SEMA3A: variants seen among roughly 807,000 people sequenced by gnomAD.
SEMA3A encodes the protein semaphorin 3A, also known as semaphorin-3A.
SEMA3A carries 29 observed loss-of-function variants against 97.9 expected under a neutral mutation model. That is an observed-to-expected ratio of 0.30 (90% CI 0.22 to 0.40). The LOEUF (loss-of-function observed/expected upper bound fraction) is 0.40, where lower values mean the gene tolerates loss of function less well. Among genes scored for constraint, SEMA3A ranks in the 10% least tolerant of loss-of-function variants. The pLI is 1.00. For missense variants in SEMA3A, 763 were observed against 951.3 expected, an observed-to-expected ratio of 0.80 and a Z score of 2.60; for synonymous variants, 321 against 323.7, an observed-to-expected ratio of 0.99 and a Z score of 0.09.
At chr7:84,008,592 G>T (rs767408852) in intron 9 of SEMA3A, among the ~76,000 whole-genome samples, 1 of 151,646 alleles carries the variant, frequency 6.6e-6, no homozygotes, top group Non-Finnish European at 1.5e-5. Flanking sequence ...AAACAGTTCT[G>T]CACATTTAAA....
intron 9 of SEMA3A, among the ~76,000 whole-genome samples, 178 bp from the exon 10 acceptor site, chr7:84,007,675 C>CA (rs1463484660): frequency 1.3e-5 from 2 of 151,874 alleles, no homozygotes; most frequent in Non-Finnish European, 2.9e-5. Context: ...CACAAAAGAA[C>CA]AAAAAATTGT....
intron 1 of SEMA3A, among the ~76,000 whole-genome samples, chr7:84,421,847 T>C (rs1170076332): frequency 6.6e-6 from 1 of 152,064 alleles, no homozygotes; most frequent in Non-Finnish European, 1.5e-5. Context: ...TGAACCAGCC[T>C]TGCATCCCAG....
intron 2 of SEMA3A, among the ~76,000 whole-genome samples, chr7:84,333,381 T>G (rs2115956956): frequency 6.6e-6 from 1 of 152,254 alleles, no homozygotes; most frequent in East Asian, 1.9e-4. Flanking sequence ...GAAGATTTTC[T>G]ACAACACTGA....
At chr7:83,993,168 T>C (rs1484877149) in intron 12 of SEMA3A, among the ~76,000 whole-genome samples, 1 of 136,348 alleles carries the variant, frequency 7.3e-6, no homozygotes, top group African/African-American at 2.8e-5. Flanking sequence ...TCCATTTGCT[T>C]GGTAGATCTT....
At chr7:84,211,396 A>G (rs1214311703) in intron 3 of SEMA3A, among the ~76,000 whole-genome samples, 1 of 151,714 alleles carries the variant, frequency 6.6e-6, no homozygotes, top group East Asian at 1.9e-4. Context: ...GGATCATCTG[A>G]GGTCAGGAGT....
intron 1 of SEMA3A, among the ~76,000 whole-genome samples, chr7:84,177,781 T>C (rs1797615406): frequency 6.6e-6 from 1 of 152,120 alleles, no homozygotes; most frequent in Non-Finnish European, 1.5e-5. Context: ...ACAACATCTT[T>C]TGTTTTCTCT....
intron 1 of SEMA3A, among the ~76,000 whole-genome samples, chr7:84,420,381 C>T (rs930102711): frequency 6.6e-6 from 1 of 151,760 alleles, no homozygotes; most frequent in East Asian, 1.9e-4. Context: ...AACAATTAGA[C>T]ATTATGGAAC....
At chr7:84,405,665 T>C (rs1804060946) in intron 1 of SEMA3A, among the ~76,000 whole-genome samples, 1 of 152,062 alleles carries the variant, frequency 6.6e-6, no homozygotes, top group Admixed American at 6.5e-5. Flanking sequence ...CCTCAGCAAA[T>C]GTAAAAGAAC....
chr7:84,134,459 C>A (rs1464806407), intron 2 of SEMA3A, among the ~76,000 whole-genome samples: 1 of 152,044 alleles, frequency 6.6e-6, no homozygotes, highest in Non-Finnish European at 1.5e-5. Flanking sequence ...AAATTTATAC[C>A]TACACACATA....
At chr7:84,410,225 C>T (rs552182290) in intron 1 of SEMA3A, among the ~76,000 whole-genome samples, 1 of 151,980 alleles carries the variant, frequency 6.6e-6, no homozygotes, top group African/African-American at 2.4e-5. Context: ...ACTTTCTATA[C>T]AATAATTTAC....
chr7:84,021,697 G>A (rs1346249150), intron 6 of SEMA3A, among the ~76,000 whole-genome samples: 2 of 151,974 alleles, frequency 1.3e-5, no homozygotes, highest in East Asian at 3.9e-4. Flanking sequence ...TTCTTGCTAA[G>A]CATAAATCCT....
At chr7:84,365,875 TTAAC>T (rs1397787608) in intron 2 of SEMA3A, among the ~76,000 whole-genome samples, 6 of 151,372 alleles carry the variant, frequency 4.0e-5, no homozygotes, top group Non-Finnish European at 7.4e-5. Context: ...TAACATGAGT[TTAAC>T]TAATATTTAA....
intron 3 of SEMA3A, among the ~76,000 whole-genome samples, chr7:84,203,528 T>A (rs796347165): frequency 7.4e-4 from 28 of 37,984 alleles, no homozygotes; most frequent in South Asian, 2.8e-3. Flanking sequence ...ATATATATAT[T>A]TTTTTTTTTT....
At chr7:84,158,229 A>C (rs1483511718) in intron 1 of SEMA3A, among the ~76,000 whole-genome samples, 5 of 131,516 alleles carry the variant, frequency 3.8e-5, no homozygotes, top group Non-Finnish European at 6.1e-5. Context: ...ATCTCGGCTC[A>C]CTGCAACCTC....
intron 1 of SEMA3A, among the ~76,000 whole-genome samples, chr7:84,480,222 T>C (rs1562961133): frequency 1.3e-5 from 2 of 152,230 alleles, no homozygotes; most frequent in African/African-American, 2.4e-5. Context: ...TTTGTTTTTT[T>C]GTTTTAACTT....
intron 3 of SEMA3A, among the ~76,000 whole-genome samples, chr7:84,276,135 C>A (rs911000119): frequency 6.6e-6 from 1 of 151,976 alleles, no homozygotes; most frequent in Admixed American, 6.6e-5. Flanking sequence ...AACATCTATT[C>A]TTTAATTCTT....
intron 3 of SEMA3A, among the ~76,000 whole-genome samples, chr7:84,300,352 A>G (rs572909690): frequency 6.6e-6 from 1 of 152,232 alleles, no homozygotes; most frequent in South Asian, 2.1e-4. Flanking sequence ...GGTGGAAAGC[A>G]TGTACTTAAT....
chr7:84,403,563 G>T (rs1215315885), intron 1 of SEMA3A, among the ~76,000 whole-genome samples: 5 of 152,274 alleles, frequency 3.3e-5, no homozygotes, highest in South Asian at 2.1e-4. Flanking sequence ...CTCCCAGCAC[G>T]CAGCTTGAGA....
chr7:84,363,527 T>C (rs1466625514), intron 2 of SEMA3A, among the ~76,000 whole-genome samples: 1 of 151,962 alleles, frequency 6.6e-6, no homozygotes, highest in Non-Finnish European at 1.5e-5. Context: ...TCTATACAGA[T>C]TTAATTGACC....
Sources: allele counts gnomAD v4.1 joint callset (sites outside exome capture counted in the v4.1 genomes callset), GRCh38; gene constraint gnomAD v4.1.1; transcripts MANE v1.5; gene names NCBI Gene and HGNC (gene_info 2026-07-23, HGNC 2026-07-21).